WDR27: variants seen among roughly 807,000 people sequenced by gnomAD.
The protein encoded by WDR27 is WD repeat-containing protein 27.
In WDR27, 100 loss-of-function variants were observed where a neutral mutation model predicts 114.4. That is an observed-to-expected ratio of 0.87 (90% CI 0.74 to 1.03). The LOEUF (loss-of-function observed/expected upper bound fraction) is 1.03, where lower values mean the gene tolerates loss of function less well. Ranked by LOEUF, WDR27 falls within the 50% of genes least tolerant of loss-of-function variation. The pLI is 0.00. For missense variants in WDR27, 1,129 were observed against 1,092.9 expected, an observed-to-expected ratio of 1.03 and a Z score of -0.47; for synonymous variants, 449 against 423.1, an observed-to-expected ratio of 1.06 and a Z score of -0.75.
intron 25 of WDR27, among the ~76,000 whole-genome samples, chr6:169,461,553 T>G (rs1379349660): frequency 1.3e-5 from 2 of 149,392 alleles, no homozygotes; most frequent in African/African-American, 4.9e-5. Flanking sequence ...CAGAAAATAC[T>G]TAGAGATGAA....
At chr6:169,575,351 CCTCCCTCTCT>C (rs1287461697) in intron 24 of WDR27, among the ~76,000 whole-genome samples, 57 of 132,602 alleles carry the variant, frequency 4.3e-4, no homozygotes, top group Non-Finnish European at 7.7e-4. Flanking sequence ...TCCATCCCTC[CCTCCCTCTCT>C]CTCTCTCCAT....
At chr6:169,699,276 G>C (rs746369186) in intron 1 of WDR27, among the ~76,000 whole-genome samples, 2 of 152,108 alleles carry the variant, frequency 1.3e-5, no homozygotes, top group Non-Finnish European at 2.9e-5. Flanking sequence ...CTGCAGGGAG[G>C]GACAAAGGAC....
At chr6:169,460,514 C>T (rs1435694908) in intron 25 of WDR27, among the ~76,000 whole-genome samples, 1 of 151,938 alleles carries the variant, frequency 6.6e-6, no homozygotes, top group Non-Finnish European at 1.5e-5. Flanking sequence ...GGCAGTAATG[C>T]AGAAAATAAG....
At chr6:169,674,358 AAAGTT>A (rs2128302047) in intron 2 of WDR27, among the ~76,000 whole-genome samples, 1 of 152,344 alleles carries the variant, frequency 6.6e-6, no homozygotes, top group South Asian at 2.1e-4. Context: ...CATATGTTCA[AAAGTT>A]AAGTAGAGGC....
intron 25 of WDR27, among the ~76,000 whole-genome samples, chr6:169,522,281 A>C (rs962107554): frequency 6.6e-6 from 1 of 152,126 alleles, no homozygotes; most frequent in African/African-American, 2.4e-5. Context: ...AAGATATAAA[A>C]TCATAAATAT....
In WDR27 at chr6:169,632,997, C is replaced by A; in HGVS notation, c.2173G>T (p.Val725Leu). 2 of 1,599,408 alleles carry A rather than the reference C, an allele frequency of 1.3e-6. No homozygotes were observed. Among genetic ancestry groups the A allele is most frequent in the Non-Finnish European group, 1.7e-6 (2 of 1,168,130 alleles). ...GGCCGTGAGTGGGCTTCCGCTATCA[C>A]CGCTGCACTGCAGCCGGCGTTGAGG... ...FDLNAGCSAA[V>L]IAEAHSRPVH... The change falls in exon 21 of 26, where the codon GTG becomes TTG. Residue 725 changes from valine to leucine, a missense_variant. Coordinates refer to ENST00000448612, the MANE Select transcript of WDR27 (RefSeq NM_182552.5).
chr6:169,587,370 CA>C (rs1167104872), intron 23 of WDR27, among the ~76,000 whole-genome samples: 13 of 152,218 alleles, frequency 8.5e-5, no homozygotes, highest in Non-Finnish European at 7.4e-5. Flanking sequence ...AGGTGCCTAG[CA>C]CCACACGCGG....
At chr6:169,575,209 C>CCCATCCATCCATCCAT (rs1802053493) in intron 24 of WDR27, among the ~76,000 whole-genome samples, 1 of 151,034 alleles carries the variant, frequency 6.6e-6, no homozygotes, top group East Asian at 2.0e-4. Flanking sequence ...CATCCATCCA[C>CCCATCCATCCATCCAT]CCATCCATCC....
In WDR27 at chr6:169,701,920, T is replaced by G. The variant is rs1033301399; in HGVS notation, c.-377A>C. ...CGAGACCAGCCCGCTAGGGGAGGAC[T>G]CACAGCACCCAGCTCCCAGGAGGGC... On this transcript the variant is annotated 5_prime_UTR_variant, in exon 1 of 26. Coordinates refer to ENST00000448612, the MANE Select transcript of WDR27 (RefSeq NM_182552.5). 5.7e-6 allele frequency: 2 copies of G among 351,558 alleles called. No individual in the cohort carries two copies. The highest frequency in any genetic ancestry group is 1.1e-5 in the Non-Finnish European group (2 of 177,328). The allele number at this position is 351,558 out of a possible 1,614,324, so 21.8% of individuals were successfully genotyped here.
chr6:169,484,108 C>T (rs1335965625), intron 25 of WDR27, among the ~76,000 whole-genome samples: 1 of 152,128 alleles, frequency 6.6e-6, no homozygotes, highest in African/African-American at 2.4e-5. Context: ...CCCTTGAAAA[C>T]TGACACAAGA....
At chr6:169,592,233 C>T (rs1204405856) in intron 23 of WDR27, among the ~76,000 whole-genome samples, 2 of 152,000 alleles carry the variant, frequency 1.3e-5, no homozygotes, top group African/African-American at 2.4e-5. Flanking sequence ...ACAGAAAAAC[C>T]TACTGGCATT....
chr6:169,461,556 G>C (rs1345571199), intron 25 of WDR27, among the ~76,000 whole-genome samples: 1 of 150,822 alleles, frequency 6.6e-6, no homozygotes, highest in Non-Finnish European at 1.5e-5. Context: ...AAAATACTTA[G>C]AGATGAATAA....
intron 25 of WDR27, among the ~76,000 whole-genome samples, chr6:169,485,329 C>A (rs966508274): frequency 1.3e-5 from 2 of 152,066 alleles, no homozygotes; most frequent in African/African-American, 4.8e-5. Context: ...ACAGAAAAAA[C>A]AACCCCATTA....
Position 169,617,107 on chromosome 6 carries a change from G to A in WDR27, c.2224-3451C>T, listed in dbSNP as rs879333625. On this transcript the variant is annotated intron_variant, in intron 21 of 25. Coordinates refer to ENST00000448612, the MANE Select transcript of WDR27 (RefSeq NM_182552.5). ...TGTGGGGGATCAATACCTAGGGTTC[G>A]TTGCCTAGCACCAAGATTAAAGACA... Among the ~76,000 whole-genome samples the A allele has an allele frequency of 1.4e-4, 21 of 152,138 alleles. No individual in the cohort carries two copies. In the East Asian group the frequency reaches 2.9e-3, roughly 21 times the overall value.
chr6:169,607,428 A>ACACACACACAC (rs1412375260), intron 22 of WDR27, among the ~76,000 whole-genome samples: 14 of 22,892 alleles, frequency 6.1e-4, no homozygotes, highest in African/African-American at 1.5e-3. Context: ...ACACACATAT[A>ACACACACACAC]ATATAATATT....
intron 2 of WDR27, 22 bp downstream of exon 2, chr6:169,688,794 TG>T: frequency 6.4e-7 from 1 of 1,568,286 alleles, no homozygotes; most frequent in Non-Finnish European, 8.6e-7. Flanking sequence ...TTCATGACAC[TG>T]GACATGTAAC....
intron 25 of WDR27, among the ~76,000 whole-genome samples, chr6:169,502,573 G>A (rs1791451563): frequency 2.0e-5 from 3 of 152,140 alleles, no homozygotes; most frequent in South Asian, 2.1e-4. Context: ...ATCCATTTCC[G>A]TGTCTTTCCC....
chr6:169,607,137 T>A (rs1349490925), intron 22 of WDR27, among the ~76,000 whole-genome samples: 3 of 152,088 alleles, frequency 2.0e-5, no homozygotes, highest in African/African-American at 7.2e-5. Context: ...ACAATGCTGA[T>A]GGGAATGTAA....
At chr6:169,448,390 CTA>C in the WDR27 span, among the ~76,000 whole-genome samples, 6 of 80,278 alleles carry the variant, frequency 7.5e-5, no homozygotes, top group Admixed American at 7.6e-4. Flanking sequence ...GTCTCTGTCT[CTA>C]TGTGTGTGTG....
Sources: gnomAD v4.1 joint callset for allele counts (sites outside exome capture counted in the v4.1 genomes callset) on GRCh38, gnomAD v4.1.1 for gene constraint, MANE v1.5 for transcripts, NCBI Gene and HGNC (gene_info 2026-07-23, HGNC 2026-07-21) for gene names.